Variants in FGF13 observed in about 807,000 individuals in gnomAD.
FGF13 encodes fibroblast growth factor 13.
Under a neutral mutation model 19.5 loss-of-function variants are expected in FGF13, and 2 were observed. The observed-to-expected ratio is 0.10, with a 90% confidence interval of 0.04 to 0.32. The LOEUF is 0.32. Ranked by LOEUF, FGF13 falls within the 10% of genes least tolerant of loss-of-function variation. The pLI, the probability that FGF13 is intolerant of heterozygous loss-of-function variation, is 1.00. For missense variants in FGF13, 113 were observed against 192.7 expected, an observed-to-expected ratio of 0.59 and a Z score of 2.45; for synonymous variants, 72 against 76.9, an observed-to-expected ratio of 0.94 and a Z score of 0.33.
intron 1 of FGF13, among the ~76,000 whole-genome samples, chrX:139,197,499 A>C (rs73634016): frequency 0.092 from 10,272 of 111,808 alleles, 985 homozygotes; most frequent in African/African-American, 0.29. Context: ...GTCATTCAAC[A>C]ACTACTCCTA....
At chrX:138,736,510 T>C (rs775885484) in intron 1 of FGF13, among the ~76,000 whole-genome samples, 12 of 110,957 alleles carry the variant, frequency 1.1e-4, no homozygotes, top group Non-Finnish European at 1.7e-4. Context: ...TGGAACTGCA[T>C]ATCATGAGAA....
At chrX:139,066,692 GA>G (rs969296305) in intron 1 of FGF13, among the ~76,000 whole-genome samples, 2 of 110,994 alleles carry the variant, frequency 1.8e-5, no homozygotes, top group African/African-American at 6.6e-5. Context: ...AATTCTACCA[GA>G]GGTACAAAAA....
At position 138,935,419 on chromosome X, in the gene FGF13, AG is replaced by A. The variant is rs2091726555; in HGVS notation, c.-112-70770del. Among the ~76,000 whole-genome samples, 3 of 112,142 alleles carry A rather than the reference AG, an allele frequency of 2.7e-5. No individual in the cohort carries two copies. In the South Asian group the frequency reaches 1.1e-3, roughly 42 times the overall value. ...CATTTCTCAAATAAGGGCACTCAGT[AG>A]CTTAACAACAGAGATGGTACAAGGG... On this transcript the variant is annotated intron_variant, in intron 1 of 2. Coordinates refer to the FGF13 transcript ENST00000421460.
chrX:139,178,049 C>G (rs1010216619), intron 1 of FGF13, among the ~76,000 whole-genome samples: 3 of 112,015 alleles, frequency 2.7e-5, no homozygotes, highest in African/African-American at 6.5e-5. Flanking sequence ...CACACACACT[C>G]TAACCAGGCC....
Position 138,809,248 on chromosome X carries a change from C to T in FGF13, c.217+48264G>A, listed in dbSNP as rs751512078. ...AGTATATCAAAAAGCTTATCCATCA[C>T]GATCAAGTTGGCTTCATCCCTGGGA... On this transcript the variant is annotated intron_variant, in intron 3 of 6. Coordinates refer to the FGF13 transcript ENST00000436198. Among the ~76,000 whole-genome samples, 5 of 111,817 alleles carry T rather than the reference C, an allele frequency of 4.5e-5. No homozygotes were observed. The South Asian group carries it at 1.1e-3, about 25-fold the overall frequency.
At chrX:138,876,192 T>C (rs1329719379) in intron 1 of FGF13, among the ~76,000 whole-genome samples, 3 of 112,293 alleles carry the variant, frequency 2.7e-5, no homozygotes, top group Non-Finnish European at 5.6e-5. Context: ...TTTCCATCTC[T>C]CAACAATACA....
At position 139,033,541 on chromosome X, in the gene FGF13, A is replaced by T. The variant is rs986045080; in HGVS notation, c.-112-168891T>A. Among the ~76,000 whole-genome samples the T allele has an allele frequency of 2.7e-5, 3 of 112,279 alleles. No homozygotes were observed. The Admixed American group carries it at 2.8e-4, about 11-fold the overall frequency. On this transcript the variant is annotated intron_variant, in intron 1 of 2. Coordinates refer to the FGF13 transcript ENST00000421460. ...GTCCAAAGTAACACTGTTAGGAAGTAGAAAGATGAAAAAGTTTTTACTACA... is the reference window on the plus strand; with the variant it reads ...GTCCAAAGTAACACTGTTAGGAAGTTGAAAGATGAAAAAGTTTTTACTACA...
intron 1 of FGF13, among the ~76,000 whole-genome samples, chrX:139,070,576 C>T (rs2092373356): frequency 8.9e-6 from 1 of 111,933 alleles, no homozygotes; most frequent in African/African-American, 3.2e-5. Context: ...GTGGAGATTC[C>T]TCAAGGATCT....
intron 1 of FGF13, among the ~76,000 whole-genome samples, chrX:138,950,873 AG>A (rs2091807715): frequency 9.0e-6 from 1 of 111,182 alleles, no homozygotes; most frequent in South Asian, 3.8e-4. Context: ...TAGTAGGGGA[AG>A]AAAAGGTAAC....
chrX:139,097,412 C>T (rs1036682996), intron 1 of FGF13, among the ~76,000 whole-genome samples: 1 of 111,228 alleles, frequency 9.0e-6, no homozygotes, highest in Non-Finnish European at 1.9e-5. Context: ...GGCTCATGGC[C>T]CACAGGCTGG....
At chrX:138,649,182 C>A (rs1464110714) in intron 3 of FGF13, among the ~76,000 whole-genome samples, 1 of 111,570 alleles carries the variant, frequency 9.0e-6, no homozygotes, top group Admixed American at 9.5e-5. Context: ...TAAGTTGCAT[C>A]ATTTATTCAT....
At chrX:138,707,065 C>A (rs2089998858) in intron 2 of FGF13, among the ~76,000 whole-genome samples, 1 of 111,799 alleles carries the variant, frequency 8.9e-6, no homozygotes. Context: ...AGTTATAAGA[C>A]AACCAAAGGC....
At chrX:138,897,411 T>A (rs1292154574) in intron 1 of FGF13, among the ~76,000 whole-genome samples, 1 of 111,377 alleles carries the variant, frequency 9.0e-6, no homozygotes, top group Non-Finnish European at 1.9e-5. Context: ...CTTGGCTAAG[T>A]GAATATGGAT....
chrX:138,867,032 G>C (rs190642332), intron 1 of FGF13, among the ~76,000 whole-genome samples: 5 of 111,263 alleles, frequency 4.5e-5, no homozygotes, highest in African/African-American at 1.6e-4. Context: ...ACTGAATCTC[G>C]ACGTTTAATT....
intron 3 of FGF13, among the ~76,000 whole-genome samples, chrX:138,784,163 T>G (rs1426542879): frequency 1.1e-4 from 7 of 61,450 alleles, no homozygotes; most frequent in African/African-American, 3.8e-4. Flanking sequence ...TGGGGACTGT[T>G]GTGGGGTGGG....
intron 1 of FGF13, among the ~76,000 whole-genome samples, chrX:138,922,877 A>T (rs762394563): frequency 8.9e-6 from 1 of 112,176 alleles, no homozygotes; most frequent in Admixed American, 9.5e-5. Flanking sequence ...TCCTTACAAA[A>T]AGCAGTCTAC....
intron 1 of FGF13, among the ~76,000 whole-genome samples, chrX:138,874,027 G>T (rs1314803977): frequency 1.1e-5 from 1 of 87,686 alleles, no homozygotes; most frequent in Admixed American, 1.3e-4. Context: ...GGGGGGAGGG[G>T]TAGCATTAGG....
At chrX:138,643,196 T>C (rs1356640421) in intron 3 of FGF13, among the ~76,000 whole-genome samples, 1 of 112,091 alleles carries the variant, frequency 8.9e-6, no homozygotes, top group Non-Finnish European at 1.9e-5. Flanking sequence ...GGAGTTCATT[T>C]AGTCCTCTAT....
At chrX:138,839,156 C>T (rs774671003) in intron 3 of FGF13, among the ~76,000 whole-genome samples, 1 of 111,060 alleles carries the variant, frequency 9.0e-6, no homozygotes, top group South Asian at 3.9e-4. Flanking sequence ...TCAATTTCCT[C>T]TATCTTTCAT....
Sources: gnomAD v4.1 joint callset for allele counts (sites outside exome capture counted in the v4.1 genomes callset) on GRCh38, gnomAD v4.1.1 for gene constraint, MANE v1.5 for transcripts, NCBI Gene and HGNC (gene_info 2026-07-23, HGNC 2026-07-21) for gene names.